CTNNA1: variants seen among roughly 807,000 people sequenced by gnomAD.
The protein encoded by CTNNA1 is catenin alpha 1, also known as catenin alpha-1.
A neutral mutation model predicts 98.4 loss-of-function variants in CTNNA1; 37 were observed. The ratio of observed to expected loss-of-function variants is 0.38; its 90% confidence interval spans 0.29 to 0.49. The LOEUF is 0.49. Ranked by LOEUF, CTNNA1 falls within the 20% of genes least tolerant of loss-of-function variation. The pLI, the probability that CTNNA1 is intolerant of heterozygous loss-of-function variation, is 0.95. For missense variants in CTNNA1, 761 were observed against 1,147.2 expected, an observed-to-expected ratio of 0.66 and a Z score of 4.86; for synonymous variants, 404 against 413.2, an observed-to-expected ratio of 0.98 and a Z score of 0.27.
intron 1 of CTNNA1, among the ~76,000 whole-genome samples, chr5:138,776,302 T>G (rs1396005841): frequency 6.6e-6 from 1 of 151,774 alleles, no homozygotes; most frequent in East Asian, 2.0e-4. Flanking sequence ...TTGCACCACC[T>G]CAATCCATTC....
At chr5:138,833,173 A>G (rs187193032) in intron 7 of CTNNA1, among the ~76,000 whole-genome samples, 1 of 152,342 alleles carries the variant, frequency 6.6e-6, no homozygotes, top group East Asian at 1.9e-4. Context: ...TGAAACATAA[A>G]GGACCCTCAG....
chr5:138,764,206 CA>C (rs1561498126), intron 1 of CTNNA1, among the ~76,000 whole-genome samples: 4 of 149,842 alleles, frequency 2.7e-5, no homozygotes, highest in African/African-American at 1.0e-4. Flanking sequence ...AAACAAAAAA[CA>C]AAAAAATAAT....
intron 1 of CTNNA1, among the ~76,000 whole-genome samples, chr5:138,767,006 C>T (rs895624962): frequency 3.3e-5 from 5 of 150,918 alleles, no homozygotes; most frequent in Non-Finnish European, 5.9e-5. Context: ...AAAGCTGAAC[C>T]CTCCAATGTC....
At chr5:138,774,795 G>A (rs1753915030) in intron 1 of CTNNA1, among the ~76,000 whole-genome samples, 1 of 152,042 alleles carries the variant, frequency 6.6e-6, no homozygotes, top group Admixed American at 6.6e-5. Context: ...CTAATTTTTT[G>A]TATTTTTAGT....
intron 4 of CTNNA1, among the ~76,000 whole-genome samples, chr5:138,811,210 G>A (rs1175069776): frequency 2.6e-4 from 38 of 148,098 alleles, no homozygotes; most frequent in Non-Finnish European, 4.4e-4. Context: ...CGGGGCGGCC[G>A]GGCAGAGACG....
rs547329141 is a variant in CTNNA1, at chr5:138,924,578, G to C, written c.1615G>C (p.Asp539His). The C allele has an allele frequency of 6.2e-7, 1 of 1,614,178 alleles. No individual in the cohort carries two copies. The highest frequency in any genetic ancestry group is 1.1e-5 in the South Asian group (1 of 91,058). The change falls in exon 12 of 18, where the codon GAC (aspartate) becomes CAC (histidine). Residue 539 changes from aspartate to histidine, a missense_variant. Physicochemically the swap from Asp to His is moderately conservative, Grantham distance 81. This residue lies in a region of CTNNA1 where 287 missense variants were observed against 436.0 expected (regional missense o/e 0.66). Transcript: ENST00000302763. ...ALQEKDVDGL[D>H]RTAGAIRGRA... is the part of the protein sequence containing the mutation. The stretch of plus-strand genomic sequence containing the variant: ...CCAAGAGAAGGATGTGGATGGCCTG[G>C]ACCGCACAGCTGGTGCAATTCGAGG...
chr5:138,912,778 T>G (rs1264009843), intron 10 of CTNNA1, among the ~76,000 whole-genome samples: 2 of 152,000 alleles, frequency 1.3e-5, no homozygotes, highest in Non-Finnish European at 2.9e-5. Flanking sequence ...AAGAGTAAAC[T>G]CCCCCCAACC....
At chr5:138,909,053 G>T (rs186272481) in intron 10 of CTNNA1, among the ~76,000 whole-genome samples, 8 of 152,108 alleles carry the variant, frequency 5.3e-5, no homozygotes, top group Admixed American at 3.9e-4. Context: ...TGGTGTGCTG[G>T]TCAGGAAGAA....
intron 7 of CTNNA1, among the ~76,000 whole-genome samples, chr5:138,853,648 A>G (rs1763451952): frequency 6.6e-6 from 1 of 152,240 alleles, no homozygotes; most frequent in South Asian, 2.1e-4. Flanking sequence ...TCAGGGTTAA[A>G]TCACAGAAGC....
Position 138,875,283 on chromosome 5 carries a change from G to C in CTNNA1, c.1063-10929G>C, listed in dbSNP as rs28363440. 1.0e-3 allele frequency: 523 copies of C among 518,226 alleles called. No homozygotes were observed. The African/African-American group carries it at 0.01, about 10-fold the overall frequency. 32.1% of individuals were successfully genotyped at this position (518,226 alleles called of 1,614,324 possible). ...GGCTTGTTGCAGAGAAGAGCTCCTG[G>C]AGCAGCATGAGTGCATTTACTGAAA... On this transcript the variant is annotated intron_variant, in intron 7 of 17. Coordinates refer to ENST00000302763, the MANE Select transcript of CTNNA1 (RefSeq NM_001903.5).
At chr5:138,875,864 T>C (rs1172644379) in intron 7 of CTNNA1, 1 of 338,278 alleles carries the variant, frequency 3.0e-6, no homozygotes, top group Non-Finnish European at 4.2e-6. Flanking sequence ...GGGCTTGGCT[T>C]GTTTGTCATC....
intron 7 of CTNNA1, chr5:138,875,825 C>A: frequency 1.4e-6 from 1 of 709,158 alleles, no homozygotes; most frequent in Non-Finnish European, 1.7e-6. Flanking sequence ...CTATGATTTG[C>A]TTTAGATGTG....
intron 7 of CTNNA1, among the ~76,000 whole-genome samples, chr5:138,829,826 C>T (rs537875697): frequency 4.6e-5 from 7 of 152,210 alleles, no homozygotes; most frequent in South Asian, 2.1e-4. Context: ...CCAAGGCAGA[C>T]GGATCACAAG....
At chr5:138,833,244 G>A (rs190086405) in intron 7 of CTNNA1, among the ~76,000 whole-genome samples, 10 of 152,280 alleles carry the variant, frequency 6.6e-5, no homozygotes, top group Admixed American at 6.5e-4. Context: ...GGTCATGGTC[G>A]TGTTTGACTG....
chr5:138,924,596 A>G lies in CTNNA1; in HGVS notation c.1633A>G (p.Ile545Val), dbSNP rs1060502220. The change falls in exon 12 of 18, where the codon ATT (isoleucine) becomes GTT (valine). Residue 545 changes from isoleucine (I) to valine (V), a missense_variant. Physicochemically the swap from Ile to Val is conservative, Grantham distance 29. This residue lies in a region of CTNNA1 where 287 missense variants were observed against 436.0 expected (regional missense o/e 0.66). Coordinates refer to ENST00000302763, the MANE Select transcript of CTNNA1 (RefSeq NM_001903.5). ...VDGLDRTAGA[I>V]RGRAARVIHV... ...TGGCCTGGACCGCACAGCTGGTGCAATTCGAGGCCGGGCAGCCCGGGTCAT... is the reference window on the plus strand; with the variant it reads ...TGGCCTGGACCGCACAGCTGGTGCAGTTCGAGGCCGGGCAGCCCGGGTCAT... The G allele has an allele frequency of 9.9e-6, 16 of 1,614,088 alleles. No individual in the cohort carries two copies. Among genetic ancestry groups the G allele is most frequent in the Non-Finnish European group, 1.4e-5 (16 of 1,180,036 alleles).
chr5:138,874,288 G>C lies in CTNNA1; in HGVS notation c.1063-11924G>C. On this transcript the variant is annotated intron_variant, in intron 7 of 17. Coordinates refer to ENST00000302763, the MANE Select transcript of CTNNA1 (RefSeq NM_001903.5). The surrounding 1 kb of genome is among the most constrained non-coding windows in gnomAD (Gnocchi z 4.1). ...CTGTTGAAATTTGATTGTGATCTAAGTGGAGCCAAGTAAGTTGACTGAAGC... is the reference window on the plus strand; with the variant it reads ...CTGTTGAAATTTGATTGTGATCTAACTGGAGCCAAGTAAGTTGACTGAAGC... 1.9e-6 allele frequency: 3 copies of C among 1,614,026 alleles called. No individual in the cohort carries two copies. Among genetic ancestry groups the C allele is most frequent in the Non-Finnish European group, 2.5e-6 (3 of 1,179,906 alleles).
At chr5:138,821,157 T>C (rs1760001602) in intron 5 of CTNNA1, among the ~76,000 whole-genome samples, 1 of 152,236 alleles carries the variant, frequency 6.6e-6, no homozygotes, top group Non-Finnish European at 1.5e-5. Context: ...ATTTGCTGAC[T>C]AGAAGTGTTG....
intron 3 of CTNNA1, among the ~76,000 whole-genome samples, 157 bp downstream of exon 3, chr5:138,783,529 T>C (rs1755367805): frequency 6.6e-6 from 1 of 152,196 alleles, no homozygotes; most frequent in Admixed American, 6.6e-5. Context: ...GACTGGCTCA[T>C]ATTTTAATTC....
intron 7 of CTNNA1, among the ~76,000 whole-genome samples, chr5:138,882,682 A>G (rs970473946): frequency 3.3e-5 from 5 of 152,150 alleles, no homozygotes; most frequent in Non-Finnish European, 7.3e-5. Flanking sequence ...TTGGAGTAAA[A>G]AGTTTCCTCA....
Sources: gnomAD v4.1 joint callset for allele counts (sites outside exome capture counted in the v4.1 genomes callset) on GRCh38, gnomAD v4.1.1 for gene constraint, gnomAD v4.1.1 regional missense constraint, Gnocchi (gnomAD v3.1) non-coding constraint, MANE v1.5 for transcripts, NCBI Gene and HGNC (gene_info 2026-07-23, HGNC 2026-07-21) for gene names.